The following SEMA3C variants were observed in gnomAD, a reference collection of about 807,000 sequenced individuals.
SEMA3C encodes semaphorin-3C.
A neutral mutation model predicts 89.4 loss-of-function variants in SEMA3C; 47 were observed. That is an observed-to-expected ratio of 0.53 (90% CI 0.42 to 0.67). SEMA3C has a LOEUF of 0.67. Ranked by LOEUF, SEMA3C falls within the 30% of genes least tolerant of loss-of-function variation. The pLI is 0.00. For missense variants in SEMA3C, 839 were observed against 929.1 expected (o/e 0.90, Z 1.26); for synonymous variants, 310 against 320.2 (o/e 0.97, Z 0.34).
intron 2 of SEMA3C, among the ~76,000 whole-genome samples, chr7:80,870,163 T>C (rs1284658601): frequency 1.3e-5 from 2 of 152,310 alleles, no homozygotes; most frequent in Non-Finnish European, 1.5e-5. Context: ...CTAGTCATTA[T>C]GCAAACAGAT....
chr7:80,776,751 T>C (rs977384629), intron 12 of SEMA3C, among the ~76,000 whole-genome samples: 7 of 152,194 alleles, frequency 4.6e-5, no homozygotes, highest in African/African-American at 1.7e-4. Flanking sequence ...CTTTTCCTAA[T>C]ATAGTGGGTA....
intron 17 of SEMA3C, 75 bp from the exon 18 acceptor site, chr7:80,745,382 T>A: frequency 7.3e-7 from 1 of 1,365,354 alleles, no homozygotes; most frequent in Non-Finnish European, 1.0e-6. Flanking sequence ...ATACACAGAA[T>A]AGTCTCAACT....
intron 2 of SEMA3C, among the ~76,000 whole-genome samples, chr7:80,837,745 T>C (rs1179998059): frequency 3.3e-5 from 5 of 152,200 alleles, no homozygotes; most frequent in Non-Finnish European, 5.9e-5. Flanking sequence ...GGCTGTCTCA[T>C]AAAAGCTTTC....
intron 12 of SEMA3C, among the ~76,000 whole-genome samples, chr7:80,780,857 C>A (rs1013619552): frequency 1.3e-5 from 2 of 152,158 alleles, no homozygotes; most frequent in African/African-American, 4.8e-5. Context: ...GCACTCTGGC[C>A]TGAGCCACAA....
intron 5 of SEMA3C, among the ~76,000 whole-genome samples, chr7:80,815,069 C>A (rs142212483): frequency 3.2e-4 from 49 of 152,242 alleles, no homozygotes; most frequent in African/African-American, 1.2e-3. Context: ...CTTTTAAGGT[C>A]TTTAAAGCTT....
intron 13 of SEMA3C, among the ~76,000 whole-genome samples, chr7:80,764,483 C>A (rs1206194922): frequency 6.6e-6 from 1 of 152,202 alleles, no homozygotes; most frequent in Non-Finnish European, 1.5e-5. Flanking sequence ...AATCCCCTCT[C>A]CTGGCTCACA....
chr7:80,891,570 T>C (rs1034411388), intron 2 of SEMA3C, among the ~76,000 whole-genome samples: 5 of 152,166 alleles, frequency 3.3e-5, no homozygotes, highest in Admixed American at 2.6e-4. Flanking sequence ...ATGCCCTTTC[T>C]TTGCACACCT....
intron 2 of SEMA3C, among the ~76,000 whole-genome samples, chr7:80,891,843 T>A (rs1391004172): frequency 6.6e-6 from 1 of 152,110 alleles, no homozygotes; most frequent in East Asian, 1.9e-4. Flanking sequence ...TGTTTTTCCA[T>A]GCTAAGCAGA....
Position 80,758,314 on chromosome 7 carries a change from G to A in SEMA3C, c.1643+17C>T, listed in dbSNP as rs777931161. On this transcript the variant is annotated intron_variant, in intron 15 of 17. Coordinates refer to ENST00000265361, the MANE Select transcript of SEMA3C (RefSeq NM_006379.5). ...GTGTCCTACATTTGGATGTTGAGCC[G>A]AGTGTTTAGTGCTCACCGTTTCCCA... 2.7e-5 allele frequency: 43 copies of A among 1,600,856 alleles called. 1 individual carries two copies. The highest frequency in any genetic ancestry group is 3.5e-4 in the Middle Eastern group (2 of 5,740).
intron 17 of SEMA3C, among the ~76,000 whole-genome samples, chr7:80,747,905 T>C (rs985750952): frequency 6.6e-6 from 1 of 152,150 alleles, no homozygotes; most frequent in African/African-American, 2.4e-5. Context: ...CTAAGATCTT[T>C]GGGTAGACAA....
chr7:80,868,197 T>C (rs1426136959), intron 2 of SEMA3C, among the ~76,000 whole-genome samples: 2 of 152,326 alleles, frequency 1.3e-5, no homozygotes, highest in South Asian at 2.1e-4. Flanking sequence ...AATGGCAGAC[T>C]TGAGAAAGCA....
chr7:80,758,225 A>T, intron 15 of SEMA3C, 106 bp downstream of exon 15: 1 of 1,241,478 alleles, frequency 8.1e-7, no homozygotes, highest in South Asian at 1.5e-5. Flanking sequence ...TCTACCTTTA[A>T]TGTCATTTAA....
intron 2 of SEMA3C, among the ~76,000 whole-genome samples, chr7:80,853,184 C>A (rs996819052): frequency 3.9e-5 from 6 of 152,082 alleles, no homozygotes; most frequent in African/African-American, 1.4e-4. Context: ...TAAATTAGTA[C>A]AGCCACTATG....
At chr7:80,775,448 A>C (rs1485773207) in intron 12 of SEMA3C, among the ~76,000 whole-genome samples, 1 of 152,144 alleles carries the variant, frequency 6.6e-6, no homozygotes, top group African/African-American at 2.4e-5. Context: ...AAACAGACCT[A>C]TATGTGATAT....
intron 15 of SEMA3C, among the ~76,000 whole-genome samples, chr7:80,751,794 T>C (rs1463022466): frequency 1.3e-5 from 2 of 152,234 alleles, no homozygotes; most frequent in African/African-American, 4.8e-5. Flanking sequence ...TTTCTAGATA[T>C]ATTAAAACTT....
At chr7:80,907,001 C>T (rs1005740629) in intron 2 of SEMA3C, among the ~76,000 whole-genome samples, 1 of 152,130 alleles carries the variant, frequency 6.6e-6, no homozygotes, top group Non-Finnish European at 1.5e-5. Flanking sequence ...CCTTTGCTTA[C>T]TGTACTTTAG....
chr7:80,871,791 G>C (rs73709351), intron 2 of SEMA3C, among the ~76,000 whole-genome samples: 2,313 of 152,134 alleles, frequency 0.015, 67 homozygotes, highest in African/African-American at 0.051. Context: ...AGACCTATTT[G>C]CATTATTAAA....
At chr7:80,916,860 C>A in intron 1 of SEMA3C, 41 bp from the exon 2 acceptor site, 1 of 1,565,262 alleles carries the variant, frequency 6.4e-7, no homozygotes, top group South Asian at 1.2e-5. Flanking sequence ...TCTCATTTCA[C>A]ATTTTAGGAG....
intron 12 of SEMA3C, among the ~76,000 whole-genome samples, chr7:80,769,612 C>T (rs1328811090): frequency 6.6e-6 from 1 of 151,984 alleles, no homozygotes; most frequent in African/African-American, 2.4e-5. Flanking sequence ...TAATCCCAGC[C>T]CTTTGGAGGC....
Sources: allele counts gnomAD v4.1 joint callset (sites outside exome capture counted in the v4.1 genomes callset), GRCh38; gene constraint gnomAD v4.1.1; transcripts MANE v1.5; gene names NCBI Gene and HGNC (gene_info 2026-07-23, HGNC 2026-07-21).